The following TMCO6 variants were observed in gnomAD, a reference collection of about 807,000 sequenced individuals.
TMCO6 encodes the protein transmembrane and coiled-coil domain-containing protein 6.
Under a neutral mutation model 61.8 loss-of-function variants are expected in TMCO6, and 47 were observed. The ratio of observed to expected loss-of-function variants is 0.76; its 90% CI spans 0.60 to 0.97. TMCO6 has a LOEUF of 0.97. Among genes scored for constraint, TMCO6 ranks in the 50% least tolerant of loss-of-function variants. The pLI is 0.00. For synonymous variants in TMCO6, 261 were observed against 254.2 expected, an observed-to-expected ratio of 1.03 and a Z score of -0.25; for missense variants, 557 against 601.6, an observed-to-expected ratio of 0.93 and a Z score of 0.78.
At chr5:140,609,711 A>T in the TMCO6 span, among the ~76,000 whole-genome samples, 1 of 151,894 alleles carries the variant, frequency 6.6e-6, no homozygotes, top group Non-Finnish European at 1.5e-5. Flanking sequence ...CTTGACAATC[A>T]TAAGATCTAT....
chr5:140,639,287 A>AGGCAGAGCG, upstream of TMCO6: 1 of 512,580 alleles, frequency 2.0e-6, no homozygotes, highest in Non-Finnish European at 3.5e-6. Flanking sequence ...AATCAATCAG[A>AGGCAGAGCG]GGCAGAGCGA....
chr5:140,605,809 T>C, the TMCO6 span, among the ~76,000 whole-genome samples: 2 of 152,140 alleles, frequency 1.3e-5, no homozygotes, highest in South Asian at 4.1e-4. Flanking sequence ...TAAGTCTTTT[T>C]AATATTTGGT....
the TMCO6 span, among the ~76,000 whole-genome samples, chr5:140,613,381 C>G: frequency 1.2e-5 from 1 of 81,434 alleles, no homozygotes; most frequent in African/African-American, 6.7e-5. Context: ...GAGTGAGACT[C>G]TGACTAAAAA....
chr5:140,636,861 CT>C (rs1485640089), upstream of TMCO6, among the ~76,000 whole-genome samples: 2 of 152,126 alleles, frequency 1.3e-5, no homozygotes, highest in Non-Finnish European at 2.9e-5. Flanking sequence ...AGTTATATGG[CT>C]TTTTAAAAAT....
At chr5:140,602,987 G>A in the TMCO6 span, among the ~76,000 whole-genome samples, 6 of 151,362 alleles carry the variant, frequency 4.0e-5, no homozygotes, top group Admixed American at 6.6e-5. Context: ...AGATAGTGCC[G>A]CTGCACTCCA....
In TMCO6 at chr5:140,641,702, A is replaced by C. The variant is rs766727715; in HGVS notation, c.236A>C (p.Glu79Ala). 3.1e-6 allele frequency: 5 copies of C among 1,614,146 alleles called. No homozygotes were observed. The highest frequency in any genetic ancestry group is 4.2e-6 in the Non-Finnish European group (5 of 1,180,024). The change falls in exon 3 of 12, where the codon GAG (glutamate) becomes GCG (alanine). Residue 79 changes from glutamate to alanine, a missense_variant. Physicochemically the swap from Glu to Ala is moderately radical, Grantham distance 107 (BLOSUM62 -1). Transcript: ENST00000394671. ...CTGCGGCAAGCCCAGCGGGGGACAG[A>C]GGAAAAGGAGAGAGAGGGGGCTCTG... ...QFLRQAQRGT[E>A]EKEREGALVS...
At chr5:140,612,739 AC>A in the TMCO6 span, among the ~76,000 whole-genome samples, 1 of 152,212 alleles carries the variant, frequency 6.6e-6, no homozygotes, top group Non-Finnish European at 1.5e-5. Context: ...AAAGTTGAAA[AC>A]AAAAGATCAC....
chr5:140,633,088 G>T, the TMCO6 span: 4 of 1,614,016 alleles, frequency 2.5e-6, no homozygotes, highest in Non-Finnish European at 3.4e-6. Context: ...TAAGTCTTCC[G>T]AACCTCTGAG....
Position 140,642,330 on chromosome 5 carries a change from A to C in TMCO6, c.514A>C (p.Thr172Pro). ...SSDFIELCLY[T>P]LGNLIVESEA... ...CTGTTCTCAGGAGCTGTGTCTGTAT[A>C]CACTGGGTAACCTGATCGTGGAGAG... Residue 172 changes from threonine (T) to proline (P), a missense_variant, in exon 5 of 12, where the codon ACA (threonine) becomes CCA (proline). By Grantham distance (38) the Thr-to-Pro change is conservative. Transcript: ENST00000394671. 1 of 1,613,182 alleles carries C rather than the reference A, an allele frequency of 6.2e-7. No homozygotes were observed. Among genetic ancestry groups the C allele is most frequent in the Non-Finnish European group, 8.5e-7 (1 of 1,179,546 alleles).
At chr5:140,633,552 T>C in the TMCO6 span, 2 of 199,312 alleles carry the variant, frequency 1.0e-5, no homozygotes, top group Admixed American at 1.0e-4. Flanking sequence ...GAGAATCTAC[T>C]TGATTCATTT....
the TMCO6 span, among the ~76,000 whole-genome samples, chr5:140,633,859 G>A: frequency 8.8e-5 from 13 of 147,724 alleles, no homozygotes; most frequent in Admixed American, 6.2e-4. Context: ...CCATGATCTC[G>A]GCTCACTGCA....
the TMCO6 span, among the ~76,000 whole-genome samples, chr5:140,627,203 CTTT>C: frequency 0.35 from 50,979 of 147,700 alleles, 9,247 homozygotes; most frequent in African/African-American, 0.48. Context: ...GTCTCAGCAA[CTTT>C]TTTTTTTTTT....
At chr5:140,627,235 G>C in the TMCO6 span, among the ~76,000 whole-genome samples, 7 of 151,354 alleles carry the variant, frequency 4.6e-5, no homozygotes, top group African/African-American at 1.7e-4. Flanking sequence ...AACCTGGTAA[G>C]TAAGCAATTT....
At chr5:140,644,233 C>T (rs753279) in intron 10 of TMCO6, 39 bp downstream of exon 10, 700,014 of 1,594,126 alleles carry the variant, frequency 0.44, 154,937 homozygotes, top group East Asian at 0.48. Flanking sequence ...ATCTGGTAGT[C>T]GGATTGTATG....
chr5:140,633,199 G>T, the TMCO6 span: 23 of 1,173,800 alleles, frequency 2.0e-5, 1 homozygote, highest in Admixed American at 4.1e-4. Flanking sequence ...GCCTCTGACA[G>T]TTTATGTAAT....
Position 140,641,744 on chromosome 5 carries a change from G to A in TMCO6, c.278G>A (p.Gly93Asp). ...REGALVSLRR[G>D]LQHPETQQTF... ...GGGGCTCTGGTCAGCCTTCGTCGAG[G>A]CTTGCAGCACCCTGAAACACAGCAA... Residue 93 changes from glycine (G) to aspartate (D), a missense_variant, in exon 3 of 12, where the codon GGC becomes GAC. By Grantham distance (94) the Gly-to-Asp change is moderately conservative (BLOSUM62 -1). Transcript: ENST00000394671. 6.2e-7 allele frequency: 1 copy of A among 1,614,194 alleles called. No individual in the cohort carries two copies. The highest frequency in any genetic ancestry group is 1.1e-5 in the South Asian group (1 of 91,090).
the TMCO6 span, among the ~76,000 whole-genome samples, chr5:140,614,887 C>G: frequency 1.3e-5 from 2 of 152,198 alleles, no homozygotes; most frequent in Non-Finnish European, 2.9e-5. Flanking sequence ...AGGCATGAGC[C>G]ACCTCGCCCA....
chr5:140,632,750 G>C, the TMCO6 span: 1 of 1,613,506 alleles, frequency 6.2e-7, no homozygotes, highest in African/African-American at 1.3e-5. This position sits in a 1 kb window ranked among gnomAD's most constrained non-coding sequence, Gnocchi z 6.2. Context: ...ACTGCCGCGG[G>C]TCGGCGTCCG....
chr5:140,646,870 G>C (rs762819497), downstream of TMCO6, among the ~76,000 whole-genome samples: 8 of 152,172 alleles, frequency 5.3e-5, no homozygotes, highest in Non-Finnish European at 8.8e-5. Context: ...GAGTTAGGCA[G>C]GGAAGCACTC....
Sources: allele counts gnomAD v4.1 joint callset (sites outside exome capture counted in the v4.1 genomes callset), GRCh38; gene constraint gnomAD v4.1.1; non-coding constraint Gnocchi (gnomAD v3.1); transcripts MANE v1.5; gene names NCBI Gene and HGNC (gene_info 2026-07-23, HGNC 2026-07-21).